GALNT2: variants seen among roughly 807,000 people sequenced by gnomAD.
The protein encoded by GALNT2 is UDP-GalNAc:polypeptide N-acetylgalactosaminyltransferase 2.
GALNT2 carries 31 observed loss-of-function variants against 81.4 expected under a neutral mutation model. The observed-to-expected ratio is 0.38, with a 90% CI of 0.29 to 0.51. The LOEUF (loss-of-function observed/expected upper bound fraction) is 0.51. GALNT2 is among the 20% of genes least tolerant of loss of function. GALNT2 has a pLI of 0.87. For missense variants in GALNT2, 629 were observed against 765.7 expected (o/e 0.82, Z 2.11); for synonymous variants, 303 against 287.4 (o/e 1.05, Z -0.55).
intron 1 of GALNT2, among the ~76,000 whole-genome samples, chr1:230,157,467 G>A (rs1182601950): frequency 2.0e-5 from 3 of 152,158 alleles, no homozygotes; most frequent in Non-Finnish European, 2.9e-5. Flanking sequence ...CTCATACAAC[G>A]CAGTAATCCC....
chr1:230,103,432 A>AGCGG (rs1445881245), intron 1 of GALNT2, among the ~76,000 whole-genome samples: 1 of 152,228 alleles, frequency 6.6e-6, no homozygotes, highest in Non-Finnish European at 1.5e-5. Flanking sequence ...GCCTTCCTGC[A>AGCGG]GCAGCCCCCC....
chr1:230,109,081 A>G (rs1036706235), intron 1 of GALNT2, among the ~76,000 whole-genome samples: 1 of 152,192 alleles, frequency 6.6e-6, no homozygotes, highest in Non-Finnish European at 1.5e-5. Context: ...TCTCTATCTC[A>G]TTAAACACTT....
chr1:230,281,207 A>G lies in GALNT2; in HGVS notation c.*1749A>G, dbSNP rs10005. ...TCTTCCTCCCCGGCGGGAGCCCCACATGTGTGCACTGTAGGACAGCGGCCC... is the reference window on the plus strand; with the variant it reads ...TCTTCCTCCCCGGCGGGAGCCCCACGTGTGTGCACTGTAGGACAGCGGCCC... On this transcript the variant is annotated 3_prime_UTR_variant, in exon 16 of 16. Coordinates refer to ENST00000366672, the MANE Select transcript of GALNT2 (RefSeq NM_004481.5). 0.57 allele frequency: 86,070 copies of G among 152,182 alleles called. 27,385 individuals are homozygous for G. Among genetic ancestry groups the G allele is most frequent in the East Asian group, 0.96 (4,951 of 5,170 alleles). 9.4% of individuals were successfully genotyped at this position (152,182 alleles called of 1,614,324 possible).
rs954131891 is a variant in GALNT2 at position 230,109,142 on chromosome 1, C to G, written c.126+41736C>G. 2.0e-5 allele frequency among the ~76,000 whole-genome samples: 3 copies of G among 152,258 alleles called. No homozygotes were observed. The East Asian group carries it at 5.8e-4, about 29-fold the overall frequency. On this transcript the variant is annotated intron_variant, in intron 1 of 15. Transcript: ENST00000366672. ...ATTCCCGCTCCACCAGTAGCCTCCCCTGGGCGTTGGAAGGCTCTGCCCTCT... is the reference window on the plus strand; with the variant it reads ...ATTCCCGCTCCACCAGTAGCCTCCCGTGGGCGTTGGAAGGCTCTGCCCTCT...
chr1:230,199,063 T>G (rs1663800940), intron 2 of GALNT2, among the ~76,000 whole-genome samples: 2 of 152,220 alleles, frequency 1.3e-5, no homozygotes, highest in South Asian at 4.1e-4. Context: ...TTTCCCGAGA[T>G]TCTCATATAT....
intron 3 of GALNT2, among the ~76,000 whole-genome samples, chr1:230,220,641 C>A (rs528051832): frequency 6.6e-6 from 1 of 152,114 alleles, no homozygotes; most frequent in South Asian, 2.1e-4. Context: ...ACTCAGTTAA[C>A]CCAGTTGACT....
chr1:230,159,922 C>T (rs1173146910), intron 1 of GALNT2, among the ~76,000 whole-genome samples: 1 of 152,158 alleles, frequency 6.6e-6, no homozygotes, highest in African/African-American at 2.4e-5. Context: ...GAGTCAGCTG[C>T]TGTGCCTTCT....
At chr1:230,066,870 C>T (rs1659195765), upstream of GALNT2, among the ~76,000 whole-genome samples, 1 of 148,738 alleles carries the variant, frequency 6.7e-6, no homozygotes, top group Non-Finnish European at 1.5e-5. Context: ...GGGGAGGGGG[C>T]GGCCGGCGGG....
At chr1:230,238,682 C>T (rs997577451) in intron 6 of GALNT2, among the ~76,000 whole-genome samples, 1 of 152,094 alleles carries the variant, frequency 6.6e-6, no homozygotes, top group Non-Finnish European at 1.5e-5. Flanking sequence ...GGTTGATTTT[C>T]AGATGTTAAA....
intron 1 of GALNT2, among the ~76,000 whole-genome samples, chr1:230,143,629 C>A (rs761644549): frequency 2.0e-5 from 3 of 152,220 alleles, no homozygotes; most frequent in Admixed American, 1.3e-4. Flanking sequence ...CTTGGCTTTA[C>A]GCAGCATGTT....
chr1:230,148,628 C>T (rs6692319), intron 1 of GALNT2, among the ~76,000 whole-genome samples: 119,101 of 152,034 alleles, frequency 0.78, 47,213 homozygotes, highest in African/African-American at 0.81. Flanking sequence ...GTTTGTTGCC[C>T]AGGCTGGAGT....
intron 1 of GALNT2, among the ~76,000 whole-genome samples, chr1:230,120,827 A>G (rs1660994266): frequency 6.6e-6 from 1 of 152,162 alleles, no homozygotes; most frequent in South Asian, 2.1e-4. Flanking sequence ...ACACAGCTGA[A>G]TCTCAGGCTA....
intron 1 of GALNT2, among the ~76,000 whole-genome samples, chr1:230,071,946 A>G (rs1264283832): frequency 1.3e-5 from 2 of 152,188 alleles, no homozygotes; most frequent in Non-Finnish European, 2.9e-5. Context: ...CCTTGAGCAA[A>G]AATGAAAAAG....
chr1:230,235,777 T>A (rs1177190345), intron 3 of GALNT2, among the ~76,000 whole-genome samples: 2 of 152,196 alleles, frequency 1.3e-5, no homozygotes, highest in African/African-American at 4.8e-5. Context: ...ATGTTCTCAA[T>A]ATGTTACTTT....
chr1:230,239,952 C>G (rs1468592915), intron 6 of GALNT2, among the ~76,000 whole-genome samples: 2 of 152,202 alleles, frequency 1.3e-5, no homozygotes, highest in African/African-American at 2.4e-5. Flanking sequence ...AATTGCATTT[C>G]CATTTCCCTT....
At chr1:230,091,248 T>G (rs1327895784) in intron 1 of GALNT2, among the ~76,000 whole-genome samples, 2 of 151,794 alleles carry the variant, frequency 1.3e-5, no homozygotes, top group Admixed American at 6.6e-5. Context: ...TGTATTTTTT[T>G]TTTTTTTAGT....
In GALNT2 at chr1:230,100,916, A is replaced by G. The variant is rs576781458; in HGVS notation, c.126+33510A>G. On this transcript the variant is annotated intron_variant, in intron 1 of 15. Coordinates refer to ENST00000366672, the MANE Select transcript of GALNT2 (RefSeq NM_004481.5). ...TCATAAGGACGTTTCAGTTAACAGT[A>G]GACTGCATATATCACAGTGGTCCCG... 4.6e-5 allele frequency among the ~76,000 whole-genome samples: 7 copies of G among 152,372 alleles called. No homozygotes were observed. In the South Asian group the frequency reaches 1.4e-3, roughly 32 times the overall value.
chr1:230,072,640 T>C (rs1659410442), intron 1 of GALNT2, among the ~76,000 whole-genome samples: 1 of 152,228 alleles, frequency 6.6e-6, no homozygotes. Context: ...AGTCAGTGGA[T>C]ATCCAGATGG....
intron 1 of GALNT2, among the ~76,000 whole-genome samples, chr1:230,163,348 A>G (rs1474743558): frequency 1.3e-5 from 2 of 152,250 alleles, no homozygotes; most frequent in Non-Finnish European, 2.9e-5. Flanking sequence ...TGCAGTGGAA[A>G]GATGAGCAGT....
Sources: gnomAD v4.1 joint callset for allele counts (sites outside exome capture counted in the v4.1 genomes callset) on GRCh38, gnomAD v4.1.1 for gene constraint, MANE v1.5 for transcripts, NCBI Gene and HGNC (gene_info 2026-07-23, HGNC 2026-07-21) for gene names.